The following CSNK2A2IP variants were observed in gnomAD, a reference collection of about 807,000 sequenced individuals.
CSNK2A2IP encodes the protein casein kinase II subunit alpha'-interacting protein.
At chr3:88,460,698 A>C in the CSNK2A2IP span, among the ~76,000 whole-genome samples, 1 of 152,206 alleles carries the variant, frequency 6.6e-6, no homozygotes, top group Non-Finnish European at 1.5e-5. Context: ...AGGAAACAGA[A>C]TATTACCAGT....
the CSNK2A2IP span, among the ~76,000 whole-genome samples, chr3:88,374,886 C>T: frequency 1.3e-5 from 2 of 151,656 alleles, no homozygotes; most frequent in Admixed American, 6.6e-5. Context: ...CAATGGATGA[C>T]GACTGGTATC....
the CSNK2A2IP span, among the ~76,000 whole-genome samples, chr3:88,424,874 A>G: frequency 6.6e-6 from 1 of 151,932 alleles, no homozygotes; most frequent in Non-Finnish European, 1.5e-5. Context: ...ATAATATTTT[A>G]AGAAACAAGT....
chr3:88,436,784 T>C, the CSNK2A2IP span, among the ~76,000 whole-genome samples: 1 of 152,112 alleles, frequency 6.6e-6, no homozygotes, highest in East Asian at 1.9e-4. Context: ...ACCTATTGCA[T>C]TGCAACCACA....
chr3:88,459,656 A>T, the CSNK2A2IP span, among the ~76,000 whole-genome samples: 1 of 152,138 alleles, frequency 6.6e-6, no homozygotes, highest in Non-Finnish European at 1.5e-5. Flanking sequence ...GGACTAGCTC[A>T]CATTTAACTA....
chr3:88,413,647 G>A, the CSNK2A2IP span, among the ~76,000 whole-genome samples: 1 of 151,918 alleles, frequency 6.6e-6, no homozygotes, highest in Non-Finnish European at 1.5e-5. Context: ...GCTTACATAT[G>A]TAGATAGGCA....
the CSNK2A2IP span, among the ~76,000 whole-genome samples, chr3:88,447,534 A>C: frequency 1.3e-5 from 2 of 152,124 alleles, no homozygotes; most frequent in Non-Finnish European, 1.5e-5. Context: ...CTTTTAAATA[A>C]GGGAAAATTA....
chr3:88,371,815 A>G, the CSNK2A2IP span, among the ~76,000 whole-genome samples: 1 of 151,774 alleles, frequency 6.6e-6, no homozygotes, highest in Non-Finnish European at 1.5e-5. Context: ...AGGAAAAATA[A>G]ATCAATTACA....
the CSNK2A2IP span, among the ~76,000 whole-genome samples, chr3:88,449,880 G>T: frequency 1.8e-3 from 245 of 134,924 alleles, 1 homozygote; most frequent in African/African-American, 6.1e-3. Context: ...TATATAGAGA[G>T]AGAGAGAGAG....
chr3:88,443,209 G>A, the CSNK2A2IP span, among the ~76,000 whole-genome samples: 6 of 152,090 alleles, frequency 3.9e-5, no homozygotes, highest in Admixed American at 3.3e-4. Context: ...CCAGTACAAG[G>A]AAGTTTGTAA....
the CSNK2A2IP span, among the ~76,000 whole-genome samples, chr3:88,353,552 C>T: frequency 6.6e-6 from 1 of 152,058 alleles, no homozygotes; most frequent in Non-Finnish European, 1.5e-5. Flanking sequence ...ATTCTCCTGG[C>T]CAATGTTGGA....
At chr3:88,361,620 G>A in the CSNK2A2IP span, among the ~76,000 whole-genome samples, 1 of 151,906 alleles carries the variant, frequency 6.6e-6, no homozygotes, top group Non-Finnish European at 1.5e-5. Flanking sequence ...AAATCTGCTT[G>A]GTGTTCTTTG....
the CSNK2A2IP span, among the ~76,000 whole-genome samples, chr3:88,371,683 A>G: frequency 6.6e-6 from 1 of 151,814 alleles, no homozygotes. Flanking sequence ...GACAAATATG[A>G]ACTTATACCT....
the CSNK2A2IP span, among the ~76,000 whole-genome samples, chr3:88,414,105 C>G: frequency 6.6e-6 from 1 of 150,690 alleles, no homozygotes; most frequent in Non-Finnish European, 1.5e-5. Context: ...ATATTACAGT[C>G]TAGGGAAACA....
chr3:88,434,689 A>G, the CSNK2A2IP span, among the ~76,000 whole-genome samples: 5 of 152,140 alleles, frequency 3.3e-5, no homozygotes, highest in African/African-American at 9.7e-5. Flanking sequence ...TCCCCACCCA[A>G]TGCTACTTTA....
the CSNK2A2IP span, among the ~76,000 whole-genome samples, chr3:88,374,007 T>C: frequency 1.8e-4 from 28 of 151,834 alleles, no homozygotes; most frequent in South Asian, 1.5e-3. Context: ...TCTAGGTATG[T>C]ATGGCTTCTT....
chr3:88,456,427 T>G, the CSNK2A2IP span, among the ~76,000 whole-genome samples: 1 of 152,074 alleles, frequency 6.6e-6, no homozygotes, highest in Non-Finnish European at 1.5e-5. Flanking sequence ...TTAATTTTTT[T>G]TGTAAGTATT....
At chr3:88,447,483 G>A in the CSNK2A2IP span, among the ~76,000 whole-genome samples, 1 of 151,990 alleles carries the variant, frequency 6.6e-6, no homozygotes, top group Non-Finnish European at 1.5e-5. Flanking sequence ...AAAGGAAAAT[G>A]TACAAAAATA....
At chr3:88,344,702 A>G in the CSNK2A2IP span, among the ~76,000 whole-genome samples, 2 of 151,970 alleles carry the variant, frequency 1.3e-5, no homozygotes, top group Admixed American at 1.3e-4. Flanking sequence ...TACAGGAAAT[A>G]AGGGCAAGTG....
chr3:88,348,057 G>T, the CSNK2A2IP span, among the ~76,000 whole-genome samples: 3 of 151,900 alleles, frequency 2.0e-5, no homozygotes, highest in Non-Finnish European at 4.4e-5. Context: ...TCTAATTACA[G>T]GTTTTATATG....
Sources: gnomAD v4.1 joint callset for allele counts (sites outside exome capture counted in the v4.1 genomes callset) on GRCh38, gnomAD v4.1.1 for gene constraint, MANE v1.5 for transcripts, NCBI Gene and HGNC (gene_info 2026-07-23, HGNC 2026-07-21) for gene names.